UVRAG: variants seen among roughly 807,000 people sequenced by gnomAD.
UVRAG encodes the protein UV radiation resistance associated.
In UVRAG, 19 loss-of-function variants were observed where a neutral mutation model predicts 78.0. That is an observed-to-expected ratio of 0.24 (90% confidence interval 0.17 to 0.36). The LOEUF (loss-of-function observed/expected upper bound fraction) is 0.36, where lower values mean the gene tolerates loss of function less well. UVRAG is among the 10% of genes least tolerant of loss of function. The pLI, the probability that UVRAG is intolerant of heterozygous loss-of-function variation, is 1.00. For missense variants in UVRAG, 740 were observed against 853.8 expected (o/e 0.87, Z 1.66); for synonymous variants, 323 against 324.6 (o/e 1.00, Z 0.05).
At chr11:76,069,939 T>C (rs1470169755) in intron 13 of UVRAG, among the ~76,000 whole-genome samples, 3 of 152,164 alleles carry the variant, frequency 2.0e-5, no homozygotes, top group African/African-American at 7.2e-5. Context: ...CATCATAATT[T>C]TTCCATTAGC....
chr11:76,113,011 C>T (rs1364614492), intron 13 of UVRAG, among the ~76,000 whole-genome samples: 1 of 152,064 alleles, frequency 6.6e-6, no homozygotes, highest in East Asian at 1.9e-4. Context: ...CACACCTGGC[C>T]AGTTTTAAGA....
At chr11:75,827,782 T>A (rs1945548681) in intron 1 of UVRAG, among the ~76,000 whole-genome samples, 1 of 152,204 alleles carries the variant, frequency 6.6e-6, no homozygotes, top group African/African-American at 2.4e-5. Flanking sequence ...TCAGGGGATA[T>A]GAACTATTTC....
chr11:75,883,665 G>A (rs946316056), intron 4 of UVRAG, among the ~76,000 whole-genome samples: 7 of 152,148 alleles, frequency 4.6e-5, no homozygotes, highest in African/African-American at 7.2e-5. Context: ...TCTTAGACCC[G>A]GTGTACTGAT....
chr11:75,863,738 A>ATTCAAGACAAGGGGGAG (rs1378254328), intron 3 of UVRAG, among the ~76,000 whole-genome samples: 26 of 152,204 alleles, frequency 1.7e-4, no homozygotes, highest in Admixed American at 1.7e-3. Context: ...TGTAGAATGG[A>ATTCAAGACAAGGGGGAG]TTCAAGACAA....
intron 6 of UVRAG, among the ~76,000 whole-genome samples, chr11:75,934,675 A>G (rs1948327240): frequency 6.6e-6 from 1 of 152,148 alleles, no homozygotes; most frequent in Admixed American, 6.5e-5. Context: ...TTAAACAAAT[A>G]ATAACTCCCT....
chr11:75,919,590 G>A (rs1274417438), intron 6 of UVRAG, among the ~76,000 whole-genome samples: 1 of 152,166 alleles, frequency 6.6e-6, no homozygotes, highest in Admixed American at 6.5e-5. Flanking sequence ...ACTACTTCAT[G>A]TAAAAAGAGA....
At chr11:75,862,442 T>G (rs751450963) in intron 3 of UVRAG, among the ~76,000 whole-genome samples, 1 of 152,218 alleles carries the variant, frequency 6.6e-6, no homozygotes, top group Non-Finnish European at 1.5e-5. Context: ...TTTCTGGTAA[T>G]GAAAATATCT....
chr11:75,863,933 T>C (rs1946479952), intron 3 of UVRAG, among the ~76,000 whole-genome samples: 1 of 152,202 alleles, frequency 6.6e-6, no homozygotes, highest in African/African-American at 2.4e-5. Flanking sequence ...CCTTAGTTCC[T>C]AGTGTATTTC....
chr11:76,139,155 G>A (rs1952655032), intron 14 of UVRAG, among the ~76,000 whole-genome samples: 1 of 152,114 alleles, frequency 6.6e-6, no homozygotes, highest in Non-Finnish European at 1.5e-5. Flanking sequence ...CAGACCCAAG[G>A]ATTAGAAGCC....
intron 5 of UVRAG, among the ~76,000 whole-genome samples, chr11:75,896,101 T>C (rs1207599524): frequency 6.6e-6 from 1 of 152,258 alleles, no homozygotes. Context: ...AGGTAAGTTA[T>C]AGCAGAACCT....
chr11:75,897,080 T>A (rs1947358563), intron 5 of UVRAG, among the ~76,000 whole-genome samples: 1 of 152,168 alleles, frequency 6.6e-6, no homozygotes, highest in Admixed American at 6.5e-5. Flanking sequence ...AGAATCCAAG[T>A]CAAAAGGAGC....
intron 6 of UVRAG, among the ~76,000 whole-genome samples, chr11:75,948,162 A>G (rs1948618147): frequency 1.3e-5 from 2 of 152,112 alleles, no homozygotes; most frequent in Admixed American, 1.3e-4. Flanking sequence ...TTTCTTTTGT[A>G]TAAAGAGCTC....
At chr11:75,848,986 C>G (rs1946093727) in intron 1 of UVRAG, among the ~76,000 whole-genome samples, 1 of 151,926 alleles carries the variant, frequency 6.6e-6, no homozygotes, top group African/African-American at 2.4e-5. Flanking sequence ...CGAGACCAGC[C>G]TGGCCAACAT....
intron 1 of UVRAG, 129 bp downstream of exon 1, chr11:75,815,653 G>A: frequency 4.1e-6 from 2 of 489,754 alleles, no homozygotes; most frequent in Non-Finnish European, 6.4e-6. Context: ...GCGGGACTGA[G>A]GAAGACTGTC....
At chr11:76,104,955 C>T (rs1053344298) in intron 13 of UVRAG, among the ~76,000 whole-genome samples, 5 of 152,204 alleles carry the variant, frequency 3.3e-5, no homozygotes, top group African/African-American at 1.2e-4. Flanking sequence ...TACATAGGAA[C>T]TCCCTGTAGC....
chr11:76,123,829 G>A (rs569207876), intron 14 of UVRAG, among the ~76,000 whole-genome samples: 5 of 152,106 alleles, frequency 3.3e-5, no homozygotes, highest in Middle Eastern at 3.2e-3. Context: ...GCAGTGGCTC[G>A]ATCTCAGCTC....
At chr11:76,095,560 T>C (rs1347448371) in intron 13 of UVRAG, among the ~76,000 whole-genome samples, 1 of 150,244 alleles carries the variant, frequency 6.7e-6, no homozygotes, top group Non-Finnish European at 1.5e-5. Context: ...TATTCATATA[T>C]AAATATATAT....
intron 6 of UVRAG, among the ~76,000 whole-genome samples, chr11:75,948,718 A>C (rs760294376): frequency 5.3e-5 from 8 of 152,170 alleles, no homozygotes; most frequent in Non-Finnish European, 1.0e-4. Flanking sequence ...CATATATGTT[A>C]ATTACCCATA....
chr11:75,863,683 T>G (rs1389048880), intron 3 of UVRAG, among the ~76,000 whole-genome samples: 2 of 152,232 alleles, frequency 1.3e-5, no homozygotes, highest in Admixed American at 1.3e-4. Flanking sequence ...TCATGATACC[T>G]TCATCCTTTG....
Sources: allele counts gnomAD v4.1 joint callset (sites outside exome capture counted in the v4.1 genomes callset), GRCh38; gene constraint gnomAD v4.1.1; transcripts MANE v1.5; gene names NCBI Gene and HGNC (gene_info 2026-07-23, HGNC 2026-07-21).